CHD1: variants seen among roughly 807,000 people sequenced by gnomAD.
CHD1 encodes the protein ATP-dependent chromatin remodeler CHD1.
Under a neutral mutation model 224.2 loss-of-function variants are expected in CHD1, and 36 were observed. The ratio of observed to expected loss-of-function variants is 0.16; its 90% CI spans 0.12 to 0.21. The LOEUF (loss-of-function observed/expected upper bound fraction) is 0.21. Among genes scored for constraint, CHD1 ranks in the 10% least tolerant of loss-of-function variants. CHD1 has a pLI of 1.00. For missense variants in CHD1, 1,378 were observed against 1,994.8 expected, an observed-to-expected ratio of 0.69 and a Z score of 5.89; for synonymous variants, 668 against 658.3, an observed-to-expected ratio of 1.01 and a Z score of -0.23.
chr5:98,928,341 T>C lies in CHD1; in HGVS notation c.-149+198A>G, dbSNP rs544593299. 5.3e-5 allele frequency among the ~76,000 whole-genome samples: 8 copies of C among 152,146 alleles called. No individual in the cohort carries two copies. In the East Asian group the frequency reaches 1.6e-3, roughly 30 times the overall value. ...GCCGGGCCGGCGCAAGGATGCGTTCTGCGGCCCCGGCCTGTACTCGCCGCT... is the reference window on the plus strand; with the variant it reads ...GCCGGGCCGGCGCAAGGATGCGTTCCGCGGCCCCGGCCTGTACTCGCCGCT... On this transcript the variant is annotated intron_variant, in intron 1 of 35. Transcript: ENST00000614616.
At chr5:98,878,957 G>A (rs1276321887) in intron 23 of CHD1, among the ~76,000 whole-genome samples, 3 of 152,208 alleles carry the variant, frequency 2.0e-5, no homozygotes, top group African/African-American at 7.2e-5. Context: ...AAGAGGCCAG[G>A]TGCAGTGGCT....
At chr5:98,871,706 T>C (rs1222540317) in intron 28 of CHD1, among the ~76,000 whole-genome samples, 1 of 152,180 alleles carries the variant, frequency 6.6e-6, no homozygotes, top group Non-Finnish European at 1.5e-5. Flanking sequence ...CTTTATATAT[T>C]ATATGATTGT....
At chr5:98,885,752 G>A in intron 17 of CHD1, 103 bp from the exon 18 acceptor site, 2 of 707,008 alleles carry the variant, frequency 2.8e-6, no homozygotes, top group South Asian at 3.7e-5. Flanking sequence ...CATGTCCTTT[G>A]CTAAAACTAT....
At chr5:98,902,004 T>C (rs946423350) in intron 5 of CHD1, among the ~76,000 whole-genome samples, 1 of 152,118 alleles carries the variant, frequency 6.6e-6, no homozygotes, top group Non-Finnish European at 1.5e-5. Context: ...ATTGTAACTA[T>C]GATGAAGGCT....
intron 12 of CHD1, among the ~76,000 whole-genome samples, chr5:98,895,198 A>G (rs1751265671): frequency 6.6e-6 from 1 of 152,250 alleles, no homozygotes; most frequent in Non-Finnish European, 1.5e-5. Flanking sequence ...TTTCTTAAAA[A>G]ACGAAGTAAA....
rs377063711 is a variant in CHD1, at chr5:98,859,001, T to C, written c.4539A>G (p.Gln1513=). 7.0e-6 allele frequency: 11 copies of C among 1,577,306 alleles called. No individual in the cohort carries two copies. Among genetic ancestry groups the C allele is most frequent in the African/African-American group, 5.5e-5 (4 of 72,234 alleles). The change falls in exon 34 of 36, where the codon CAA becomes CAG. Residue 1513 remains glutamine, a synonymous_variant. Coordinates refer to ENST00000614616, the MANE Select transcript of CHD1 (RefSeq NM_001270.4). ...KRQESQQNSD[Q]NSNLNPHVIR... is the part of the protein sequence containing the mutation. ...TCACGTGAGGATTCAAGTTGCTGTT[T>C]TGATCACTGTTTTGCTAAAATAAAT... is the stretch of plus-strand genomic sequence containing the variant.
rs1749403173 is a variant in CHD1 at position 98,872,231 on chromosome 5, G to A, written c.3711-30C>T. On this transcript the variant is annotated intron_variant, in intron 27 of 35. Coordinates refer to ENST00000614616, the MANE Select transcript of CHD1 (RefSeq NM_001270.4). ...CATCAAAGTTAATAACTAATGATAA[G>A]TTTGTAATTGCCTTAACTGAAAAAT... 5 of 1,582,788 alleles carry A rather than the reference G, an allele frequency of 3.2e-6. No individual in the cohort carries two copies. In the African/African-American group the frequency reaches 6.8e-5, roughly 22 times the overall value.
chr5:98,901,510 T>C (rs1279503185), intron 5 of CHD1, among the ~76,000 whole-genome samples, 175 bp from the exon 6 acceptor site: 3 of 152,310 alleles, frequency 2.0e-5, no homozygotes, highest in African/African-American at 2.4e-5. Flanking sequence ...ATATTCTTCA[T>C]AGACTTCTCT....
At chr5:98,872,614 C>T (rs987846605) in intron 26 of CHD1, 59 bp from the exon 27 acceptor site, 2 of 1,342,238 alleles carry the variant, frequency 1.5e-6, no homozygotes, top group Non-Finnish European at 2.1e-6. Context: ...TTCTACAAAA[C>T]ACCAAGCAAC....
intron 8 of CHD1, 98 bp downstream of exon 8, chr5:98,899,382 T>C (rs1721212057): frequency 1.3e-6 from 1 of 768,838 alleles, no homozygotes; most frequent in Non-Finnish European, 2.1e-6. Context: ...ATAGCTATTT[T>C]AGGCTATCAT....
chr5:98,860,138 C>T (rs753274569), intron 32 of CHD1, 70 bp from the exon 33 acceptor site: 1 of 814,704 alleles, frequency 1.2e-6, no homozygotes, highest in South Asian at 1.4e-5. Context: ...TCATGGAACT[C>T]CTTCCCTCCA....
chr5:98,911,348 C>T (rs1285372042), intron 2 of CHD1, among the ~76,000 whole-genome samples: 1 of 151,476 alleles, frequency 6.6e-6, no homozygotes, highest in African/African-American at 2.4e-5. Context: ...AACAGACACA[C>T]AGAGGAGGGC....
At position 98,856,694 on chromosome 5, in the gene CHD1, G is replaced by C. The variant is rs770996270; in HGVS notation, c.4819C>G (p.Leu1607Val). The C allele has an allele frequency of 1.9e-6, 3 of 1,609,002 alleles. No individual in the cohort carries two copies. The South Asian group carries it at 3.3e-5, about 18-fold the overall frequency. The change falls in exon 36 of 36, where the codon CTG (leucine) becomes GTG (valine). Residue 1607 changes from leucine to valine, a missense_variant. This residue lies in a region of CHD1 where 278 missense variants were observed against 298.5 expected (regional missense o/e 0.93). Transcript: ENST00000614616. ...TGATCTCTACTCCTGTGATCATCCA[G>C]TTTTCTGTGTTTCTCTCTGTCACTG... ...YYSDREKHRK[L>V]DDHRSRDHRS...
chr5:98,910,149 C>T (rs889688628), intron 2 of CHD1, among the ~76,000 whole-genome samples: 3 of 152,156 alleles, frequency 2.0e-5, no homozygotes, highest in Admixed American at 6.5e-5. Context: ...AGAGAAACTA[C>T]ATTAAGAATT....
At chr5:98,889,381 C>T (rs1013211150) in intron 15 of CHD1, 143 bp from the exon 16 acceptor site, 14 of 568,372 alleles carry the variant, frequency 2.5e-5, no homozygotes, top group African/African-American at 3.7e-5. Flanking sequence ...GTATATACAA[C>T]GGACCAAACC....
chr5:98,899,407 T>C (rs1751548043), intron 8 of CHD1, 73 bp downstream of exon 8: 4 of 911,112 alleles, frequency 4.4e-6, no homozygotes, highest in Admixed American at 4.3e-5. Context: ...TGTTACTATG[T>C]ATTCTTTATT....
intron 2 of CHD1, among the ~76,000 whole-genome samples, chr5:98,926,102 A>G (rs961809850): frequency 1.3e-4 from 20 of 151,930 alleles, no homozygotes; most frequent in Non-Finnish European, 2.5e-4. Context: ...GTAAACAAAA[A>G]CTTTCTATAT....
At chr5:98,860,136 C>T (rs1357525782) in intron 32 of CHD1, 68 bp from the exon 33 acceptor site, 1 of 812,600 alleles carries the variant, frequency 1.2e-6, no homozygotes, top group Admixed American at 2.0e-5. Context: ...TTTCATGGAA[C>T]TCCTTCCCTC....
chr5:98,928,971 G>C lies in CHD1; in HGVS notation c.-581C>G, dbSNP rs140416394. 2.0e-5 allele frequency: 3 copies of C among 153,218 alleles called. No homozygotes were observed. The highest frequency in any genetic ancestry group is 7.2e-5 in the African/African-American group (3 of 41,438). 9.5% of individuals were successfully genotyped at this position (153,218 alleles called of 1,614,324 possible). ...CCTCCGCCTCCCGCGCGACGTAAGC[G>C]CCTCTGCTCACTCCCCTTCCCGACA... On this transcript the variant is annotated 5_prime_UTR_variant, in exon 1 of 36. Coordinates refer to ENST00000614616, the MANE Select transcript of CHD1 (RefSeq NM_001270.4).
Sources: gnomAD v4.1 joint callset for allele counts (sites outside exome capture counted in the v4.1 genomes callset) on GRCh38, gnomAD v4.1.1 for gene constraint, gnomAD v4.1.1 regional missense constraint, MANE v1.5 for transcripts, NCBI Gene and HGNC (gene_info 2026-07-23, HGNC 2026-07-21) for gene names.